The following PHKB variants were observed in gnomAD, a reference collection of about 807,000 sequenced individuals.
PHKB encodes phosphorylase kinase regulatory subunit beta.
PHKB carries 122 observed loss-of-function variants against 152.1 expected under a neutral mutation model. The observed-to-expected ratio is 0.80, with a 90% confidence interval of 0.69 to 0.93. The LOEUF (loss-of-function observed/expected upper bound fraction) is 0.93, where lower values mean the gene tolerates loss of function less well. Ranked by LOEUF, PHKB falls within the 40% of genes least tolerant of loss-of-function variation. PHKB has a pLI of 0.00. For synonymous variants in PHKB, 436 were observed against 464.9 expected, an observed-to-expected ratio of 0.94 and a Z score of 0.80; for missense variants, 1,304 against 1,328.4, an observed-to-expected ratio of 0.98 and a Z score of 0.29.
At chr16:47,612,591 A>G (rs534623124) in intron 14 of PHKB, among the ~76,000 whole-genome samples, 1 of 152,300 alleles carries the variant, frequency 6.6e-6, no homozygotes, top group East Asian at 1.9e-4. Flanking sequence ...CTGCTACTGA[A>G]TTATCTGTGT....
chr16:47,688,099 G>A (rs1047117296), intron 26 of PHKB, among the ~76,000 whole-genome samples: 2 of 152,206 alleles, frequency 1.3e-5, no homozygotes, highest in African/African-American at 2.4e-5. Context: ...AAGAGAAGGC[G>A]TGGGGGAGAA....
In PHKB at chr16:47,594,215, G is replaced by T. The variant is rs1972079641; in HGVS notation, c.1204+1G>T. ...CCAGTACTTCATCATACCACAGAAG[G>T]TATAGTTGTTTTTTTAAGAAATTCT... On this transcript the variant is annotated splice_donor_variant, in intron 12 of 30. Coordinates refer to ENST00000323584, the MANE Select transcript of PHKB (RefSeq NM_000293.3). LOFTEE classifies it high-confidence loss of function. 2 of 1,503,226 alleles carry T rather than the reference G, an allele frequency of 1.3e-6. No individual in the cohort carries two copies. The highest frequency in any genetic ancestry group is 1.9e-6 in the Non-Finnish European group (2 of 1,079,702). The allele number at this position is 1,503,226 out of a possible 1,614,324, so 93.1% of individuals were successfully genotyped here. A position where few individuals can be genotyped will look rare whatever the true frequency, so the allele number is the denominator to read the frequency against.
At chr16:47,525,256 G>T (rs1011528157) in intron 6 of PHKB, among the ~76,000 whole-genome samples, 2 of 152,052 alleles carry the variant, frequency 1.3e-5, no homozygotes, top group Non-Finnish European at 2.9e-5. Flanking sequence ...GTTGAGAAAA[G>T]ATTTATTCTT....
chr16:47,563,994 CTTT>C (rs899061752), intron 7 of PHKB, among the ~76,000 whole-genome samples: 3 of 82,022 alleles, frequency 3.7e-5, no homozygotes, highest in Admixed American at 1.2e-4. Context: ...TTATTTCATT[CTTT>C]TTTTTTTTTT....
At chr16:47,541,853 T>A (rs181735220) in intron 6 of PHKB, among the ~76,000 whole-genome samples, 10 of 152,194 alleles carry the variant, frequency 6.6e-5, no homozygotes, top group African/African-American at 2.4e-4. Context: ...GTTGTTTAAT[T>A]TTTTTCTTGT....
chr16:47,664,011 G>A, intron 24 of PHKB: 1 of 460,844 alleles, frequency 2.2e-6, no homozygotes, highest in Non-Finnish European at 3.9e-6. Context: ...CACCTCCTCT[G>A]CCCCAACAAG....
At chr16:47,506,402 A>C (rs1313864115) in intron 4 of PHKB, among the ~76,000 whole-genome samples, 1 of 152,252 alleles carries the variant, frequency 6.6e-6, no homozygotes, top group Non-Finnish European at 1.5e-5. Flanking sequence ...AGATTTGTAC[A>C]AATCAATATT....
intron 23 of PHKB, among the ~76,000 whole-genome samples, 174 bp from the exon 24 acceptor site, chr16:47,663,503 A>G (rs1973479755): frequency 6.6e-6 from 1 of 152,214 alleles, no homozygotes; most frequent in African/African-American, 2.4e-5. Flanking sequence ...TGCTGGGGAT[A>G]GTCACACTCT....
chr16:47,495,682 T>C (rs1379771024), intron 1 of PHKB, among the ~76,000 whole-genome samples: 3 of 152,188 alleles, frequency 2.0e-5, no homozygotes, highest in Non-Finnish European at 4.4e-5. Flanking sequence ...AGTGGCATAT[T>C]ACTCCTTTCT....
At chr16:47,696,927 A>G (rs1974158661) in intron 29 of PHKB, among the ~76,000 whole-genome samples, 1 of 152,144 alleles carries the variant, frequency 6.6e-6, no homozygotes, top group Non-Finnish European at 1.5e-5. Context: ...TTTCCCCCAC[A>G]CTCACTAGCA....
chr16:47,566,373 T>G (rs1971567241), intron 7 of PHKB: 9 of 1,498,998 alleles, frequency 6.0e-6, no homozygotes, highest in Non-Finnish European at 8.3e-6. Flanking sequence ...GTCTTTATCC[T>G]GTGCTTGATC....
chr16:47,616,492 T>TG, intron 14 of PHKB, among the ~76,000 whole-genome samples: 1 of 146,050 alleles, frequency 6.8e-6, no homozygotes, highest in Non-Finnish European at 1.5e-5. Context: ...TAATATATAT[T>TG]TTATATATTT....
chr16:47,664,303 C>G (rs886788888), intron 24 of PHKB: 3 of 158,158 alleles, frequency 1.9e-5, no homozygotes, highest in African/African-American at 7.2e-5. Context: ...ATTCACATGG[C>G]CCTCTGCATT....
At chr16:47,584,008 T>C (rs1253954218) in intron 8 of PHKB, among the ~76,000 whole-genome samples, 1 of 152,128 alleles carries the variant, frequency 6.6e-6, no homozygotes, top group Non-Finnish European at 1.5e-5. Context: ...ATGATTATTA[T>C]GCGTTCCTAT....
chr16:47,626,703 C>T (rs1274368986), intron 14 of PHKB, among the ~76,000 whole-genome samples: 3 of 152,152 alleles, frequency 2.0e-5, no homozygotes, highest in Non-Finnish European at 2.9e-5. Context: ...GGCTATTTCC[C>T]CTCTCTGGGC....
At chr16:47,657,513 T>C (rs1376450752) in intron 20 of PHKB, among the ~76,000 whole-genome samples, 1 of 152,202 alleles carries the variant, frequency 6.6e-6, no homozygotes, top group Non-Finnish European at 1.5e-5. Flanking sequence ...ACACATACAG[T>C]ATTATTTAAT....
chr16:47,600,062 T>C (rs1972194547), intron 13 of PHKB, among the ~76,000 whole-genome samples: 1 of 152,194 alleles, frequency 6.6e-6, no homozygotes, highest in South Asian at 2.1e-4. Flanking sequence ...AATATAACAG[T>C]GAATCTTTAA....
At chr16:47,677,735 A>T (rs1567352426) in intron 26 of PHKB, among the ~76,000 whole-genome samples, 1 of 152,092 alleles carries the variant, frequency 6.6e-6, no homozygotes, top group Non-Finnish European at 1.5e-5. Flanking sequence ...TTCAGTCCAT[A>T]GAATATGGCT....
intron 26 of PHKB, among the ~76,000 whole-genome samples, chr16:47,685,923 A>C (rs556732093): frequency 2.2e-4 from 33 of 151,938 alleles, no homozygotes; most frequent in African/African-American, 8.0e-4. Flanking sequence ...TTGTATTTTT[A>C]GTGGAGACAG....
Sources: allele counts gnomAD v4.1 joint callset (sites outside exome capture counted in the v4.1 genomes callset), GRCh38; gene constraint gnomAD v4.1.1; transcripts MANE v1.5; gene names NCBI Gene and HGNC (gene_info 2026-07-23, HGNC 2026-07-21).